DGKB: variants seen among roughly 807,000 people sequenced by gnomAD.
DGKB encodes 90 kDa diacylglycerol kinase.
DGKB carries 67 observed loss-of-function variants against 114.3 expected under a neutral mutation model. The observed-to-expected ratio is 0.59, with a 90% CI of 0.48 to 0.72. The LOEUF (loss-of-function observed/expected upper bound fraction) is 0.72, where lower values mean the gene tolerates loss of function less well. DGKB is among the 30% of genes least tolerant of loss of function. The pLI is 0.00. For missense variants in DGKB, 907 were observed against 975.2 expected, an observed-to-expected ratio of 0.93 and a Z score of 0.93; for synonymous variants, 398 against 323.1, an observed-to-expected ratio of 1.23 and a Z score of -2.49.
At chr7:14,952,003 G>C (rs767675784) in intron 1 of DGKB, among the ~76,000 whole-genome samples, 1 of 152,028 alleles carries the variant, frequency 6.6e-6, no homozygotes, top group Non-Finnish European at 1.5e-5. Flanking sequence ...CTTTTAATAG[G>C]TGAACTTATT....
chr7:14,793,732 G>A (rs1472232509), intron 2 of DGKB, among the ~76,000 whole-genome samples: 2 of 151,908 alleles, frequency 1.3e-5, no homozygotes, highest in South Asian at 4.1e-4. Flanking sequence ...CATCTGTGAT[G>A]GTTGGTTTTG....
At chr7:14,199,737 T>G (rs982995285) in intron 23 of DGKB, among the ~76,000 whole-genome samples, 1 of 152,050 alleles carries the variant, frequency 6.6e-6, no homozygotes, top group Admixed American at 6.6e-5. Flanking sequence ...ATTAGGCTAA[T>G]AATTTAATAT....
At chr7:14,451,575 CCA>C (rs1831509171) in intron 21 of DGKB, among the ~76,000 whole-genome samples, 1 of 150,442 alleles carries the variant, frequency 6.6e-6, no homozygotes, top group African/African-American at 2.5e-5. Context: ...CTCTCTCTCT[CCA>C]TCTAATCTCC....
chr7:14,973,194 T>C (rs1329208817), intron 1 of DGKB, among the ~76,000 whole-genome samples: 3 of 151,978 alleles, frequency 2.0e-5, no homozygotes, highest in Non-Finnish European at 4.4e-5. Flanking sequence ...ACATATCCAA[T>C]AGACTTCTGA....
In DGKB at chr7:14,486,425, T is replaced by C. The variant is rs116975693; in HGVS notation, c.1771-8200A>G. ...AACACTCGTATGTCCAAAGGGACAA[T>C]GTGAGGAGCTAGTTACCAGACCCAG... On this transcript the variant is annotated intron_variant, in intron 20 of 25. Transcript: ENST00000402815. Among the ~76,000 whole-genome samples the C allele has an allele frequency of 7.2e-3, 1,092 of 152,298 alleles. 4 individuals carry two copies. The highest frequency in any genetic ancestry group is 0.011 in the Non-Finnish European group (730 of 68,018).
At chr7:14,550,401 G>A (rs991782312) in intron 20 of DGKB, among the ~76,000 whole-genome samples, 1 of 152,098 alleles carries the variant, frequency 6.6e-6, no homozygotes, top group Non-Finnish European at 1.5e-5. Flanking sequence ...AAATATTTGA[G>A]ATTAAGAATC....
At chr7:14,229,008 A>T (rs1188584904) in intron 23 of DGKB, among the ~76,000 whole-genome samples, 1 of 151,938 alleles carries the variant, frequency 6.6e-6, no homozygotes, top group Non-Finnish European at 1.5e-5. Context: ...GAAAATGAGC[A>T]GGCTGTGCTG....
At chr7:14,966,534 C>T (rs1336767018) in intron 1 of DGKB, among the ~76,000 whole-genome samples, 1 of 151,906 alleles carries the variant, frequency 6.6e-6, no homozygotes, top group Non-Finnish European at 1.5e-5. Context: ...GAACTCCTGG[C>T]CTCAAGCAAT....
At chr7:14,271,313 G>A (rs1037899908) in intron 23 of DGKB, among the ~76,000 whole-genome samples, 3 of 152,202 alleles carry the variant, frequency 2.0e-5, no homozygotes, top group South Asian at 4.1e-4. Flanking sequence ...GATCATGTAC[G>A]TGTCTTTGAA....
At chr7:14,941,100 T>C (rs1265299375) in intron 1 of DGKB, among the ~76,000 whole-genome samples, 2 of 152,002 alleles carry the variant, frequency 1.3e-5, no homozygotes, top group Non-Finnish European at 2.9e-5. Context: ...TATTTTTTCA[T>C]AAAAATATAT....
At chr7:14,888,363 C>A (rs996537764) in intron 1 of DGKB, among the ~76,000 whole-genome samples, 1 of 151,518 alleles carries the variant, frequency 6.6e-6, no homozygotes, top group Non-Finnish European at 1.5e-5. Flanking sequence ...ATAGCCATAC[C>A]CCTCTCACAC....
chr7:14,195,220 T>G (rs1784853231), intron 23 of DGKB, among the ~76,000 whole-genome samples: 1 of 152,136 alleles, frequency 6.6e-6, no homozygotes, highest in African/African-American at 2.4e-5. Flanking sequence ...TTAGTGTGTG[T>G]GGGAATGTTT....
At chr7:14,168,065 A>C (rs531748110) in intron 25 of DGKB, among the ~76,000 whole-genome samples, 1 of 152,290 alleles carries the variant, frequency 6.6e-6, no homozygotes, top group African/African-American at 2.4e-5. Flanking sequence ...AATGGCAGAT[A>C]CTCTTGAAAT....
intron 21 of DGKB, among the ~76,000 whole-genome samples, chr7:14,350,955 T>G (rs927927841): frequency 2.6e-5 from 4 of 152,168 alleles, no homozygotes; most frequent in Non-Finnish European, 5.9e-5. Context: ...ATATTTTATG[T>G]GTCATTTCAA....
intron 9 of DGKB, among the ~76,000 whole-genome samples, chr7:14,688,681 T>C (rs1407758193): frequency 6.6e-6 from 1 of 152,214 alleles, no homozygotes; most frequent in Non-Finnish European, 1.5e-5. Context: ...CCTAGGCTAC[T>C]CCATGCTGAG....
At chr7:14,747,775 G>GCGCGCGCGCGTGCACACACACACA in intron 4 of DGKB, among the ~76,000 whole-genome samples, 1 of 149,178 alleles carries the variant, frequency 6.7e-6, no homozygotes, top group Non-Finnish European at 1.5e-5. Flanking sequence ...ACATCCACGC[G>GCGCGCGCGCGTGCACACACACACA]CACGCACACA....
intron 21 of DGKB, among the ~76,000 whole-genome samples, chr7:14,467,501 C>T (rs10256425): frequency 0.021 from 3,193 of 151,830 alleles, 128 homozygotes; most frequent in Admixed American, 0.091. Flanking sequence ...ACATAACACA[C>T]ATTTTTAATT....
At chr7:14,799,902 T>G (rs11976755) in intron 2 of DGKB, among the ~76,000 whole-genome samples, 41,763 of 151,908 alleles carry the variant, frequency 0.27, 8,918 homozygotes, top group African/African-American at 0.59. Context: ...AGGGCCTGCA[T>G]ATAATTATTC....
Position 14,658,987 on chromosome 7 carries a change from T to C in DGKB, c.1134+13942A>G, listed in dbSNP as rs183207176. Among the ~76,000 whole-genome samples, 8 of 151,944 alleles carry C rather than the reference T, an allele frequency of 5.3e-5. No individual in the cohort carries two copies. In the East Asian group the frequency reaches 1.6e-3, roughly 30 times the overall value. On this transcript the variant is annotated intron_variant, in intron 13 of 25. Transcript: ENST00000402815. ...TTCCACAGGTATACATGTGCCATGGTGGTTTGCTGCACCTATCAACCCATC... is the reference window on the plus strand; with the variant it reads ...TTCCACAGGTATACATGTGCCATGGCGGTTTGCTGCACCTATCAACCCATC...
Sources: gnomAD v4.1 joint callset for allele counts (sites outside exome capture counted in the v4.1 genomes callset) on GRCh38, gnomAD v4.1.1 for gene constraint, MANE v1.5 for transcripts, NCBI Gene and HGNC (gene_info 2026-07-23, HGNC 2026-07-21) for gene names.